PPP2R2B: variants seen among roughly 807,000 people sequenced by gnomAD.
PPP2R2B encodes the protein serine/threonine-protein phosphatase 2A 55 kDa regulatory subunit B beta isoform.
A neutral mutation model predicts 46.0 loss-of-function variants in PPP2R2B; 5 were observed. The observed-to-expected ratio is 0.11, with a 90% CI of 0.06 to 0.23. PPP2R2B has a LOEUF of 0.23. PPP2R2B is among the 10% of genes least tolerant of loss of function. The pLI is 1.00. For synonymous variants in PPP2R2B, 215 were observed against 206.7 expected (o/e 1.04, Z -0.34); for missense variants, 367 against 575.0 (o/e 0.64, Z 3.70).
chr5:146,864,574 T>C (rs909069394), intron 2 of PPP2R2B, among the ~76,000 whole-genome samples: 5 of 152,140 alleles, frequency 3.3e-5, no homozygotes. Context: ...AGGTTCCATA[T>C]ACTCATCTAC....
At chr5:147,002,376 CA>C (rs1754218128) in intron 1 of PPP2R2B, among the ~76,000 whole-genome samples, 1 of 152,080 alleles carries the variant, frequency 6.6e-6, no homozygotes, top group Non-Finnish European at 1.5e-5. Flanking sequence ...TAAGTGAGGA[CA>C]AAAGGCATCA....
upstream of PPP2R2B, among the ~76,000 whole-genome samples, chr5:147,058,556 C>T (rs924516965): frequency 5.9e-5 from 9 of 152,140 alleles, no homozygotes; most frequent in Non-Finnish European, 1.0e-4. Flanking sequence ...GACTAGAACT[C>T]AAGTCCCAAA....
At chr5:146,725,662 T>TTGAAAA (rs1751821558) in intron 2 of PPP2R2B, among the ~76,000 whole-genome samples, 6 of 152,220 alleles carry the variant, frequency 3.9e-5, no homozygotes, top group Admixed American at 3.9e-4. Context: ...ATATGGCACT[T>TTGAAAA]ACTTTATATT....
chr5:146,857,316 C>G (rs926177030), intron 2 of PPP2R2B, among the ~76,000 whole-genome samples: 16 of 151,962 alleles, frequency 1.1e-4, no homozygotes, highest in African/African-American at 3.4e-4. Context: ...AAGAAATATT[C>G]AAAATAAACG....
chr5:146,629,668 A>G (rs1367421474), intron 7 of PPP2R2B, among the ~76,000 whole-genome samples: 1 of 152,052 alleles, frequency 6.6e-6, no homozygotes, highest in Non-Finnish European at 1.5e-5. Context: ...TCAATGATCT[A>G]GACCCAGCCT....
chr5:146,678,214 C>T (rs1243820484), intron 5 of PPP2R2B, among the ~76,000 whole-genome samples: 3 of 151,962 alleles, frequency 2.0e-5, no homozygotes, highest in East Asian at 3.9e-4. Flanking sequence ...GGGCTTCATC[C>T]CTGGGATGCA....
At chr5:146,721,458 G>A (rs967717121) in intron 2 of PPP2R2B, among the ~76,000 whole-genome samples, 1 of 152,188 alleles carries the variant, frequency 6.6e-6, no homozygotes, top group Non-Finnish European at 1.5e-5. Flanking sequence ...AGGGGAGAAA[G>A]AGAGAAGGTG....
At chr5:146,689,646 A>G (rs1171678215) in intron 5 of PPP2R2B, among the ~76,000 whole-genome samples, 2 of 152,204 alleles carry the variant, frequency 1.3e-5, no homozygotes, top group African/African-American at 2.4e-5. Context: ...GCCCAAGGTC[A>G]CTAGCGGAAA....
intron 2 of PPP2R2B, among the ~76,000 whole-genome samples, chr5:146,864,511 C>G (rs1761194657): frequency 6.7e-6 from 1 of 150,358 alleles, no homozygotes. Context: ...GTCAATCATT[C>G]TTTGAAGTTA....
intron 2 of PPP2R2B, among the ~76,000 whole-genome samples, chr5:146,738,448 T>A (rs1185954732): frequency 1.3e-5 from 2 of 151,370 alleles, no homozygotes; most frequent in Non-Finnish European, 2.9e-5. Flanking sequence ...TAGTTGGAAG[T>A]GACTTTAAAC....
At chr5:146,805,567 C>A (rs1451048502) in intron 2 of PPP2R2B, among the ~76,000 whole-genome samples, 1 of 152,146 alleles carries the variant, frequency 6.6e-6, no homozygotes, top group Non-Finnish European at 1.5e-5. Flanking sequence ...CTCACCAAAG[C>A]CCTCTTTATT....
intron 2 of PPP2R2B, among the ~76,000 whole-genome samples, chr5:146,808,418 C>T (rs1757322989): frequency 6.6e-6 from 1 of 152,140 alleles, no homozygotes. Context: ...CTATCACTGG[C>T]CTTGTTCTGT....
At chr5:146,915,590 C>T (rs1763357849) in intron 1 of PPP2R2B, among the ~76,000 whole-genome samples, 5 of 152,118 alleles carry the variant, frequency 3.3e-5, no homozygotes, top group Admixed American at 3.3e-4. Flanking sequence ...AGATGTTGTT[C>T]CTTTACCCTA....
chr5:146,936,880 T>C (rs1764162012), intron 1 of PPP2R2B, among the ~76,000 whole-genome samples: 1 of 151,970 alleles, frequency 6.6e-6, no homozygotes, highest in Non-Finnish European at 1.5e-5. Flanking sequence ...TTTTTTTTTT[T>C]TCTTCAATGC....
intron 5 of PPP2R2B, among the ~76,000 whole-genome samples, chr5:146,661,774 C>T (rs1776688148): frequency 6.6e-6 from 1 of 152,104 alleles, no homozygotes; most frequent in Admixed American, 6.5e-5. Context: ...CTTATTTTTT[C>T]CCCAGACACT....
chr5:146,911,072 G>A (rs918976536), intron 1 of PPP2R2B, among the ~76,000 whole-genome samples: 2 of 144,092 alleles, frequency 1.4e-5, no homozygotes, highest in Non-Finnish European at 3.0e-5. Flanking sequence ...AGATCAGATT[G>A]TCTGTTAGAC....
chr5:146,950,889 A>G (rs532608676), intron 1 of PPP2R2B, among the ~76,000 whole-genome samples: 1 of 152,126 alleles, frequency 6.6e-6, no homozygotes, highest in Non-Finnish European at 1.5e-5. Context: ...TATAAGAAAT[A>G]TTTAATTCTT....
intron 1 of PPP2R2B, among the ~76,000 whole-genome samples, chr5:146,934,071 A>G (rs13174372): frequency 0.23 from 35,325 of 151,904 alleles, 4,410 homozygotes; most frequent in East Asian, 0.39. Context: ...TTTCTTAATC[A>G]AGTCTATCAT....
intron 1 of PPP2R2B, among the ~76,000 whole-genome samples, chr5:146,898,205 A>G (rs1762709920): frequency 6.6e-6 from 1 of 152,160 alleles, no homozygotes; most frequent in Non-Finnish European, 1.5e-5. Flanking sequence ...AACAAACAAA[A>G]AAAGTAAAGA....
Sources: gnomAD v4.1 joint callset for allele counts (sites outside exome capture counted in the v4.1 genomes callset) on GRCh38, gnomAD v4.1.1 for gene constraint, MANE v1.5 for transcripts, NCBI Gene and HGNC (gene_info 2026-07-23, HGNC 2026-07-21) for gene names.